Variants in DNAH10 observed in about 807,000 individuals in gnomAD.
The protein encoded by DNAH10 is dynein axonemal heavy chain 10.
In DNAH10, 348 loss-of-function variants were observed where a neutral mutation model predicts 506.6. That is an observed-to-expected ratio of 0.69 (90% CI 0.63 to 0.75). The LOEUF (loss-of-function observed/expected upper bound fraction) is 0.75. Ranked by LOEUF, DNAH10 falls within the 30% of genes least tolerant of loss-of-function variation. The pLI is 0.00. For missense variants in DNAH10, 5,179 were observed against 5,787.1 expected (o/e 0.89, Z 3.41); for synonymous variants, 2,059 against 2,198.6 (o/e 0.94, Z 1.78).
At chr12:123,831,811 C>T (rs1321104094) in intron 26 of DNAH10, among the ~76,000 whole-genome samples, 1 of 150,978 alleles carries the variant, frequency 6.6e-6, no homozygotes, top group Non-Finnish European at 1.5e-5. Context: ...GAGGCTGAGG[C>T]AGGAGAATGG....
chr12:123,875,635 C>A, intron 47 of DNAH10, 144 bp downstream of exon 47: 2 of 1,014,882 alleles, frequency 2.0e-6, no homozygotes, highest in Non-Finnish European at 2.9e-6. Flanking sequence ...TAATTTCTTG[C>A]AAAATCAGAA....
intron 26 of DNAH10, among the ~76,000 whole-genome samples, chr12:123,831,198 T>C (rs954415490): frequency 2.0e-5 from 3 of 152,206 alleles, no homozygotes; most frequent in Non-Finnish European, 4.4e-5. Context: ...ATAATCCCAC[T>C]ACCTGAAAAT....
chr12:123,800,138 C>G (rs754830822), intron 14 of DNAH10, 78 bp from the exon 15 acceptor site: 77 of 1,437,780 alleles, frequency 5.4e-5, no homozygotes, highest in Non-Finnish European at 7.2e-5. Context: ...TTTTCATGTT[C>G]ACTTTTGGTG....
At chr12:123,765,872 T>C (rs1001583327) in intron 1 of DNAH10, among the ~76,000 whole-genome samples, 2 of 151,718 alleles carry the variant, frequency 1.3e-5, no homozygotes, top group South Asian at 2.1e-4. Context: ...CATCTATCTG[T>C]CTGTCTCCTG....
chr12:123,931,271 T>G, intron 73 of DNAH10, 70 bp from the exon 74 acceptor site: 1 of 1,586,198 alleles, frequency 6.3e-7, no homozygotes, highest in Non-Finnish European at 8.6e-7. Flanking sequence ...TTGGAGACTT[T>G]GAGGCTGTGG....
chr12:123,781,091 A>G lies in DNAH10; in HGVS notation c.633A>G (p.Pro211=), dbSNP rs568067100. The part of the protein sequence containing the change: ...LKNIICQVFL[P]ALSFNQHRTS... ...AATTGGCATTTCAGGTTTTTTTGCC[A>G]GCATTGTCCTTCAATCAGCACAGGA... The change falls in exon 6 of 79, where the codon CCA becomes CCG. Residue 211 remains proline, a synonymous_variant. Transcript: ENST00000673944. The G allele has an allele frequency of 9.1e-5, 145 of 1,590,888 alleles. No individual in the cohort carries two copies. The highest frequency in any genetic ancestry group is 1.2e-4 in the Non-Finnish European group (141 of 1,172,362).
intron 19 of DNAH10, among the ~76,000 whole-genome samples, chr12:123,811,433 C>CT (rs1223603091): frequency 1.3e-5 from 2 of 152,064 alleles, no homozygotes; most frequent in Non-Finnish European, 2.9e-5. Flanking sequence ...AGTGATTCTC[C>CT]TGCCTCAGCC....
intron 78 of DNAH10, 48 bp from the exon 79 acceptor site, chr12:123,935,265 ACTGCACCTCTGCCTTTATCCCT>A: frequency 6.4e-7 from 1 of 1,563,416 alleles, no homozygotes; most frequent in Non-Finnish European, 8.8e-7. Context: ...CAAGACTTAC[ACTGCACCTCTGCCTTTATCCCT>A]CTGCACCCTC....
chr12:123,783,848 G>A, intron 7 of DNAH10, 99 bp from the exon 8 acceptor site: 1 of 1,098,184 alleles, frequency 9.1e-7, no homozygotes, highest in East Asian at 2.6e-5. Flanking sequence ...TGAAGGATTG[G>A]AGCAGTTGGA....
chr12:123,783,985 A>G lies in DNAH10; in HGVS notation c.1038A>G (p.Glu346=), dbSNP rs760872159. 3.1e-6 allele frequency: 5 copies of G among 1,614,228 alleles called. No homozygotes were observed. In the Admixed American group the frequency reaches 8.3e-5, roughly 27 times the overall value. The stretch of plus-strand genomic sequence containing the variant: ...TGGCTGAAATTGAATTCTGGAGGGA[A>G]AGAAATGCAACCTTAAGTGCGCTGC... The part of the protein sequence containing the change: ...GPLAEIEFWR[E]RNATLSALHE... The change falls in exon 8 of 79, where the codon GAA becomes GAG. Residue 346 remains glutamate (E), a synonymous_variant. Coordinates refer to ENST00000673944, the MANE Select transcript of DNAH10 (RefSeq NM_001372106.1).
At chr12:123,769,469 G>T (rs541646228) in intron 2 of DNAH10, among the ~76,000 whole-genome samples, 16 of 152,202 alleles carry the variant, frequency 1.1e-4, no homozygotes, top group African/African-American at 3.4e-4. Flanking sequence ...GAGCCACCAC[G>T]CCCGGCCTAA....
rs1485141484 is a variant in DNAH10, at chr12:123,898,697, G to A, written c.9523G>A (p.Ala3175Thr). Residue 3175 changes from alanine to threonine, a missense_variant, in exon 56 of 79, where the codon GCC becomes ACC. Coordinates refer to ENST00000673944, the MANE Select transcript of DNAH10 (RefSeq NM_001372106.1). ...LDGGLDKLKEATIQLDELNQK... is the reference protein window; with the variant it reads ...LDGGLDKLKETTIQLDELNQK... ...TGGGGGACTGGACAAGCTGAAGGAG[G>A]CCACCATCCAGCTGGACGAGCTGAA... 1 of 1,600,108 alleles carries A rather than the reference G, an allele frequency of 6.2e-7. No individual in the cohort carries two copies. The highest frequency in any genetic ancestry group is 1.7e-5 in the Admixed American group (1 of 57,966).
intron 50 of DNAH10, among the ~76,000 whole-genome samples, chr12:123,880,694 A>G (rs1418788466): frequency 6.6e-6 from 1 of 150,564 alleles, no homozygotes; most frequent in African/African-American, 2.5e-5. Flanking sequence ...GTACATGTGC[A>G]CAACATGCAG....
intron 60 of DNAH10, 30 bp from the exon 61 acceptor site, chr12:123,914,299 C>A: frequency 6.5e-7 from 1 of 1,532,764 alleles, no homozygotes; most frequent in Non-Finnish European, 8.9e-7. Flanking sequence ...AAGGTAAACT[C>A]ACGGCAGCCT....
At chr12:123,896,134 CACACACACACACACAGAGAGAGAG>C (rs1953216815) in intron 54 of DNAH10, among the ~76,000 whole-genome samples, 1 of 111,408 alleles carries the variant, frequency 9.0e-6, no homozygotes, top group African/African-American at 5.0e-5. Flanking sequence ...CACACACACA[CACACACACACACACAGAGAGAGAG>C]AGAGAGAGAG....
intron 21 of DNAH10, among the ~76,000 whole-genome samples, chr12:123,817,713 G>A (rs1959171619): frequency 6.6e-6 from 1 of 152,080 alleles, no homozygotes; most frequent in Non-Finnish European, 1.5e-5. Flanking sequence ...TATATGGCTG[G>A]CATTTCTAAC....
intron 27 of DNAH10, among the ~76,000 whole-genome samples, chr12:123,834,301 G>A (rs529827166): frequency 2.6e-5 from 4 of 152,222 alleles, no homozygotes; most frequent in Non-Finnish European, 5.9e-5. Context: ...TCTGCCAGCC[G>A]GATTCAAGTG....
chr12:123,928,838 C>G lies in DNAH10; in HGVS notation c.12306+251C>G. The G allele has an allele frequency of 1.9e-6, 1 of 535,010 alleles. No individual in the cohort carries two copies. Among genetic ancestry groups the G allele is most frequent in the East Asian group, 3.2e-5 (1 of 31,698 alleles). 33.1% of individuals were successfully genotyped at this position (535,010 alleles called of 1,614,324 possible). ...TGTGTCCCTAACAATATCTACGCTA[C>G]TTTTCATAAACTTCACGGCCCCCCC... is the stretch of plus-strand genomic sequence containing the variant. On this transcript the variant is annotated intron_variant, in intron 70 of 78. Transcript: ENST00000673944. This position sits in a 1 kb window ranked among gnomAD's most constrained non-coding sequence, Gnocchi z 4.9.
chr12:123,839,234 A>T (rs1594159007), intron 29 of DNAH10, among the ~76,000 whole-genome samples: 1 of 152,110 alleles, frequency 6.6e-6, no homozygotes, highest in Admixed American at 6.5e-5. Flanking sequence ...AAAAAAAACA[A>T]AAAAACCAGA....
Sources: allele counts gnomAD v4.1 joint callset (sites outside exome capture counted in the v4.1 genomes callset), GRCh38; gene constraint gnomAD v4.1.1; non-coding constraint Gnocchi (gnomAD v3.1); transcripts MANE v1.5; gene names NCBI Gene and HGNC (gene_info 2026-07-23, HGNC 2026-07-21).